The following PTPN12 variants were observed in gnomAD, a reference collection of about 807,000 sequenced individuals.
PTPN12 encodes the protein protein tyrosine phosphatase non-receptor type 12.
A neutral mutation model predicts 97.6 loss-of-function variants in PTPN12; 29 were observed. The observed-to-expected ratio is 0.30, with a 90% CI of 0.22 to 0.41. The LOEUF is 0.41. PTPN12 is among the 10% of genes least tolerant of loss of function. The probability of loss-of-function intolerance (pLI) is 1.00; values close to 1 mark genes in which losing one functional copy is unlikely to be tolerated. For missense variants in PTPN12, 819 were observed against 926.0 expected (o/e 0.88, Z 1.50); for synonymous variants, 327 against 300.4 (o/e 1.09, Z -0.91).
intron 5 of PTPN12, among the ~76,000 whole-genome samples, chr7:77,591,230 TG>T (rs1352271725): frequency 1.3e-5 from 2 of 152,234 alleles, no homozygotes; most frequent in Admixed American, 6.5e-5. Context: ...CTCCATTTAC[TG>T]TATTTGGAAC....
chr7:77,593,224 G>T (rs552272605), intron 6 of PTPN12, among the ~76,000 whole-genome samples: 1 of 150,498 alleles, frequency 6.6e-6, no homozygotes, highest in Admixed American at 6.6e-5. Context: ...AGCTGAAATT[G>T]CACCACTGCA....
chr7:77,619,136 C>G (rs2151384901), intron 12 of PTPN12, among the ~76,000 whole-genome samples: 1 of 152,170 alleles, frequency 6.6e-6, no homozygotes, highest in Admixed American at 6.5e-5. Context: ...CCATTTAGCT[C>G]TGGGATCTAG....
intron 13 of PTPN12, among the ~76,000 whole-genome samples, chr7:77,631,786 T>C (rs1789407421): frequency 5.3e-5 from 8 of 152,240 alleles, no homozygotes; most frequent in Admixed American, 5.2e-4. Flanking sequence ...TTAATAGCTA[T>C]ATCTTTATCT....
intron 1 of PTPN12, among the ~76,000 whole-genome samples, chr7:77,570,221 C>T (rs1212314889): frequency 6.6e-6 from 1 of 152,080 alleles, no homozygotes; most frequent in Non-Finnish European, 1.5e-5. Context: ...GGTTTATAGG[C>T]AGTTTTAGTT....
chr7:77,542,459 C>T (rs1194549327), intron 1 of PTPN12, among the ~76,000 whole-genome samples: 3 of 152,058 alleles, frequency 2.0e-5, no homozygotes, highest in Non-Finnish European at 4.4e-5. Context: ...AAAGTTGAAT[C>T]TGATAGCAGT....
intron 13 of PTPN12, among the ~76,000 whole-genome samples, chr7:77,630,414 G>A (rs1282929586): frequency 6.6e-6 from 1 of 152,070 alleles, no homozygotes; most frequent in African/African-American, 2.4e-5. Context: ...GTCATAGAAT[G>A]TATTTACACA....
rs1289892384 is a variant in PTPN12, at chr7:77,564,789, C to T, written c.100-6289C>T. Among the ~76,000 whole-genome samples, 23 of 80,350 alleles carry T rather than the reference C, an allele frequency of 2.9e-4. 1 individual carries two copies. Among genetic ancestry groups the T allele is most frequent in the African/African-American group, 1.1e-3 (21 of 19,430 alleles). The allele number at this position is 80,350 out of a possible 152,430, so 52.7% of individuals were successfully genotyped here. A position where few individuals can be genotyped will look rare whatever the true frequency, so the allele number is the denominator to read the frequency against. The stretch of plus-strand genomic sequence containing the variant: ...TTTTTTTTTTTTTGAGACGGAATCT[C>T]GCCCTTGTGCCAGGCTGGAGTGCAG... On this transcript the variant is annotated intron_variant, in intron 1 of 17. Coordinates refer to ENST00000248594, the MANE Select transcript of PTPN12 (RefSeq NM_002835.4).
At chr7:77,608,265 T>C (rs1462102311) in intron 9 of PTPN12, among the ~76,000 whole-genome samples, 1 of 152,148 alleles carries the variant, frequency 6.6e-6, no homozygotes, top group East Asian at 1.9e-4. Flanking sequence ...AAAATAGGGG[T>C]CATAGTAGTA....
chr7:77,612,575 A>C (rs1336432691), intron 11 of PTPN12, among the ~76,000 whole-genome samples: 1 of 151,842 alleles, frequency 6.6e-6, no homozygotes, highest in Non-Finnish European at 1.5e-5. Flanking sequence ...AGTAGCTGGG[A>C]TCACAAGCAT....
At chr7:77,550,528 G>T (rs930547027) in intron 1 of PTPN12, among the ~76,000 whole-genome samples, 1 of 152,090 alleles carries the variant, frequency 6.6e-6, no homozygotes, top group Non-Finnish European at 1.5e-5. Context: ...TTTCAATGCA[G>T]TTTTTTTACA....
intron 8 of PTPN12, among the ~76,000 whole-genome samples, chr7:77,603,030 C>A (rs1230200578): frequency 1.3e-5 from 2 of 152,128 alleles, no homozygotes; most frequent in Non-Finnish European, 2.9e-5. Flanking sequence ...AGTAAAAGGG[C>A]TACTTTTTAT....
chr7:77,548,034 C>G (rs1807301386), intron 1 of PTPN12, among the ~76,000 whole-genome samples: 1 of 152,158 alleles, frequency 6.6e-6, no homozygotes, highest in Non-Finnish European at 1.5e-5. Flanking sequence ...TTTGATCTTA[C>G]AGTAGGACCT....
rs1045075448 is a variant in PTPN12 at position 77,639,586 on chromosome 7, G to A, written c.*306G>A. 3.8e-6 allele frequency: 1 copy of A among 263,854 alleles called. No individual in the cohort carries two copies. The highest frequency in any genetic ancestry group is 7.1e-6 in the Non-Finnish European group (1 of 140,104). The allele number at this position is 263,854 out of a possible 1,614,324, so 16.3% of individuals were successfully genotyped here. A position where few individuals can be genotyped will look rare whatever the true frequency, so the allele number is the denominator to read the frequency against. On this transcript the variant is annotated 3_prime_UTR_variant, in exon 18 of 18. Coordinates refer to ENST00000248594, the MANE Select transcript of PTPN12 (RefSeq NM_002835.4). ...TGAGTTTAAGGACTACTCTTTTTCT[G>A]TTTTATCATGTATGCATTATTTTGT... is the stretch of plus-strand genomic sequence containing the variant.
intron 1 of PTPN12, among the ~76,000 whole-genome samples, chr7:77,551,583 G>C (rs887560136): frequency 1.3e-5 from 2 of 152,206 alleles, no homozygotes; most frequent in Non-Finnish European, 2.9e-5. Context: ...TGGATGGTCT[G>C]CTGCTACAGG....
At chr7:77,591,472 C>T (rs1302180027) in intron 5 of PTPN12, among the ~76,000 whole-genome samples, 1 of 152,152 alleles carries the variant, frequency 6.6e-6, no homozygotes, top group Non-Finnish European at 1.5e-5. Flanking sequence ...GAAAATTTAT[C>T]ATTCTTTTTC....
At chr7:77,550,279 C>T (rs1481901260) in intron 1 of PTPN12, among the ~76,000 whole-genome samples, 1 of 151,980 alleles carries the variant, frequency 6.6e-6, no homozygotes, top group Non-Finnish European at 1.5e-5. Flanking sequence ...GTAATTTACA[C>T]CTAGTTGTTT....
At chr7:77,630,698 T>C (rs1477265582) in intron 13 of PTPN12, among the ~76,000 whole-genome samples, 1 of 152,234 alleles carries the variant, frequency 6.6e-6, no homozygotes, top group African/African-American at 2.4e-5. Flanking sequence ...AAAAAACTTT[T>C]GCATAAGTTA....
At chr7:77,636,184 C>T (rs1789582819) in intron 15 of PTPN12, among the ~76,000 whole-genome samples, 1 of 152,100 alleles carries the variant, frequency 6.6e-6, no homozygotes, top group African/African-American at 2.4e-5. Flanking sequence ...TTCTTTCTTA[C>T]ATTTCTAGAT....
At chr7:77,568,353 G>A (rs1189403283) in intron 1 of PTPN12, among the ~76,000 whole-genome samples, 1 of 152,184 alleles carries the variant, frequency 6.6e-6, no homozygotes, top group Non-Finnish European at 1.5e-5. Flanking sequence ...TCTGGAGTGG[G>A]CCAGGCATGG....
Sources: allele counts gnomAD v4.1 joint callset (sites outside exome capture counted in the v4.1 genomes callset), GRCh38; gene constraint gnomAD v4.1.1; transcripts MANE v1.5; gene names NCBI Gene and HGNC (gene_info 2026-07-23, HGNC 2026-07-21).